The following PPARG variants were observed in gnomAD, a reference collection of about 807,000 sequenced individuals.
The protein encoded by PPARG is peroxisome proliferator activated receptor gamma.
A neutral mutation model predicts 39.2 loss-of-function variants in PPARG; 17 were observed. That is an observed-to-expected ratio of 0.43 (90% CI 0.30 to 0.65). The LOEUF is 0.65. Ranked by LOEUF, PPARG falls within the 30% of genes least tolerant of loss-of-function variation. The pLI, the probability that PPARG is intolerant of heterozygous loss-of-function variation, is 0.13. For synonymous variants in PPARG, 223 were observed against 215.7 expected, an observed-to-expected ratio of 1.03 and a Z score of -0.30; for missense variants, 406 against 585.9, an observed-to-expected ratio of 0.69 and a Z score of 3.17.
At chr3:12,345,033 A>G (rs1390799368) in intron 2 of PPARG, 1 of 152,192 alleles carries the variant, frequency 6.6e-6, no homozygotes, top group Non-Finnish European at 1.5e-5. Context: ...ATAACCTCCC[A>G]GCATTGTTGT....
At chr3:12,386,712 T>C (rs1262585393) in intron 4 of PPARG, among the ~76,000 whole-genome samples, 1 of 152,136 alleles carries the variant, frequency 6.6e-6, no homozygotes, top group Non-Finnish European at 1.5e-5. Flanking sequence ...CTTGAGGTTA[T>C]CTTTTCTTTT....
At chr3:12,369,982 A>C (rs558476323) in intron 2 of PPARG, among the ~76,000 whole-genome samples, 1 of 152,180 alleles carries the variant, frequency 6.6e-6, no homozygotes, top group Admixed American at 6.5e-5. Context: ...CTGTATCTGT[A>C]GCCTGGGACT....
At chr3:12,346,602 T>C (rs898183376) in intron 2 of PPARG, among the ~76,000 whole-genome samples, 4 of 152,108 alleles carry the variant, frequency 2.6e-5, no homozygotes, top group Admixed American at 6.5e-5. Flanking sequence ...AGACCTTTTT[T>C]TTTTTGATAC....
At chr3:12,360,993 A>G (rs1183591025) in intron 2 of PPARG, among the ~76,000 whole-genome samples, 3 of 152,090 alleles carry the variant, frequency 2.0e-5, no homozygotes, top group African/African-American at 4.8e-5. Flanking sequence ...ACAGTTCTGA[A>G]CAGGACTCTA....
chr3:12,297,371 T>G (rs529469718), intron 1 of PPARG, among the ~76,000 whole-genome samples: 3 of 152,256 alleles, frequency 2.0e-5, no homozygotes, highest in South Asian at 4.1e-4. Flanking sequence ...GTTACAGTAG[T>G]GAGATATGGA....
At chr3:12,404,273 T>A (rs553634964) in intron 5 of PPARG, among the ~76,000 whole-genome samples, 1 of 152,332 alleles carries the variant, frequency 6.6e-6, no homozygotes, top group East Asian at 1.9e-4. Context: ...TCTTCCCCTC[T>A]AACACCCAAG....
intron 2 of PPARG, among the ~76,000 whole-genome samples, chr3:12,321,957 T>A (rs888116926): frequency 6.6e-6 from 1 of 152,276 alleles, no homozygotes; most frequent in African/African-American, 2.4e-5. Context: ...TGCATTTATT[T>A]CTACTAATTA....
chr3:12,340,960 G>A (rs755168845), intron 2 of PPARG, among the ~76,000 whole-genome samples: 1 of 151,952 alleles, frequency 6.6e-6, no homozygotes, highest in Non-Finnish European at 1.5e-5. Flanking sequence ...CAAGGCGGGC[G>A]GATCACAAGG....
At chr3:12,306,247 C>T (rs541630806) in intron 1 of PPARG, among the ~76,000 whole-genome samples, 1 of 152,300 alleles carries the variant, frequency 6.6e-6, no homozygotes, top group African/African-American at 2.4e-5. Flanking sequence ...ATAGGGTTTG[C>T]ACTCCTTTGA....
chr3:12,321,980 T>G (rs902508966), intron 2 of PPARG, among the ~76,000 whole-genome samples: 1 of 152,232 alleles, frequency 6.6e-6, no homozygotes. Flanking sequence ...CTTAGTAGTA[T>G]TAGCAGCCTT....
At chr3:12,407,840 A>G (rs1316809565) in intron 6 of PPARG, among the ~76,000 whole-genome samples, 1 of 152,228 alleles carries the variant, frequency 6.6e-6, no homozygotes, top group Admixed American at 6.5e-5. Context: ...ATTTGAAAAT[A>G]GGTCTTTGAT....
At chr3:12,399,677 GA>G (rs2050398374) in intron 5 of PPARG, among the ~76,000 whole-genome samples, 1 of 148,898 alleles carries the variant, frequency 6.7e-6, no homozygotes, top group Non-Finnish European at 1.5e-5. Context: ...GGGAAAAAAG[GA>G]AAAAGGAAGG....
chr3:12,404,328 C>A (rs1486909324), intron 5 of PPARG, among the ~76,000 whole-genome samples: 1 of 152,128 alleles, frequency 6.6e-6, no homozygotes, highest in African/African-American at 2.4e-5. Context: ...TTGTATTAGT[C>A]AGCGATAAAA....
At chr3:12,314,492 T>C (rs1574974316) in intron 2 of PPARG, among the ~76,000 whole-genome samples, 1 of 152,200 alleles carries the variant, frequency 6.6e-6, no homozygotes, top group Admixed American at 6.5e-5. Context: ...ATGCCCCTGA[T>C]AGAATGTCCT....
At chr3:12,369,979 T>C (rs2049151369) in intron 2 of PPARG, among the ~76,000 whole-genome samples, 1 of 152,208 alleles carries the variant, frequency 6.6e-6, no homozygotes, top group South Asian at 2.1e-4. Flanking sequence ...GCTCTGTATC[T>C]GTAGCCTGGG....
rs770557781 is a variant in PPARG, at chr3:12,433,985, AC to A, written c.1271del (p.Pro424LeufsTer14). The A allele has an allele frequency of 2.5e-6, 4 of 1,614,188 alleles. No individual in the cohort carries two copies. The highest frequency in any genetic ancestry group is 3.3e-5 in the Admixed American group (2 of 60,018). The stretch of plus-strand genomic sequence containing the variant: ...CTGGAGCTCCAGCTGAAGCTGAACC[AC>A]CCTGAGTCCTCACAGCTGTTTGCCA... ...QALELQLKLNHPESSQLFAKL... is the reference protein window; with the variant it reads ...QALELQLKLNXPESSQLFAKL... On this transcript the variant is annotated frameshift_variant, in exon 8 of 8. Coordinates refer to ENST00000651735, the MANE Select transcript of PPARG (RefSeq NM_138711.6). LOFTEE classifies it high-confidence loss of function.
chr3:12,324,216 T>C (rs2047628971), intron 2 of PPARG, among the ~76,000 whole-genome samples: 2 of 151,050 alleles, frequency 1.3e-5, no homozygotes, highest in Non-Finnish European at 3.0e-5. Flanking sequence ...GAGGTGGAGG[T>C]TGTAGTGAAC....
At chr3:12,304,234 G>A (rs1025354612) in intron 1 of PPARG, among the ~76,000 whole-genome samples, 9 of 152,192 alleles carry the variant, frequency 5.9e-5, no homozygotes, top group African/African-American at 2.2e-4. Context: ...TCATATTGGG[G>A]TTGAATAAGA....
chr3:12,337,612 G>A (rs1261234037), intron 2 of PPARG, among the ~76,000 whole-genome samples: 4 of 152,092 alleles, frequency 2.6e-5, no homozygotes, highest in Non-Finnish European at 2.9e-5. Flanking sequence ...GAGCTGTTGC[G>A]ACTTGCCTGA....
Sources: allele counts gnomAD v4.1 joint callset (sites outside exome capture counted in the v4.1 genomes callset), GRCh38; gene constraint gnomAD v4.1.1; transcripts MANE v1.5; gene names NCBI Gene and HGNC (gene_info 2026-07-23, HGNC 2026-07-21).